The following INF2 variants were observed in gnomAD, a reference collection of about 807,000 sequenced individuals.
The protein encoded by INF2 is inverted formin 2, also known as inverted formin-2.
INF2 carries 43 observed loss-of-function variants against 123.5 expected under a neutral mutation model. That is an observed-to-expected ratio of 0.35 (90% CI 0.27 to 0.45). The LOEUF (loss-of-function observed/expected upper bound fraction) is 0.45, where lower values mean the gene tolerates loss of function less well. Among genes scored for constraint, INF2 ranks in the 20% least tolerant of loss-of-function variants. The probability of loss-of-function intolerance (pLI) is 1.00; values close to 1 mark genes in which losing one functional copy is unlikely to be tolerated. For synonymous variants in INF2, 851 were observed against 745.0 expected, an observed-to-expected ratio of 1.14 and a Z score of -2.32; for missense variants, 1,453 against 1,682.7, an observed-to-expected ratio of 0.86 and a Z score of 2.39.
Position 104,707,767 on chromosome 14 carries a change from G to GC in INF2, c.1505dup (p.Pro503ThrfsTer77). 1.6e-6 allele frequency: 1 copy of GC among 615,068 alleles called. No homozygotes were observed. The highest frequency in any genetic ancestry group is 3.4e-5 in the Admixed American group (1 of 29,726). The allele number at this position is 615,068 out of a possible 1,614,324, so 38.1% of individuals were successfully genotyped here. On this transcript the variant is annotated frameshift_variant, in exon 8 of 23. Transcript: ENST00000392634. LOFTEE classifies it high-confidence loss of function. Reference sequence around the variant, plus strand: ...CACCACTCCCGGGCTTGGGATGCCCGCCCCCACCCCCACCCCTGCTGCCTG... The same window carrying GC: ...CACCACTCCCGGGCTTGGGATGCCCGCCCCCCACCCCCACCCCTGCTGCCTG...
At chr14:104,702,466 C>G (rs1177268852) in intron 2 of INF2, among the ~76,000 whole-genome samples, 2 of 147,848 alleles carry the variant, frequency 1.4e-5, no homozygotes, top group African/African-American at 2.7e-5. Context: ...TTGAGAGAAA[C>G]CCTTGCTGTG....
chr14:104,701,738 G>A lies in INF2; in HGVS notation c.373G>A (p.Val125Met), dbSNP rs762621935. 3.3e-6 allele frequency: 5 copies of A among 1,520,718 alleles called. No individual in the cohort carries two copies. The highest frequency in any genetic ancestry group is 1.3e-5 in the South Asian group (1 of 79,442). 94.2% of individuals were successfully genotyped at this position (1,520,718 alleles called of 1,614,324 possible). Reference protein sequence around the residue: ...IEYILSNQGYVRQLSQALDTS... With the variant: ...IEYILSNQGYMRQLSQALDTS... Reference sequence around the variant, plus strand: ...GTACATCCTCAGCAACCAGGGCTACGTGCGCCAGCTCTCCCAGGGTGAGCC... The same window carrying A: ...GTACATCCTCAGCAACCAGGGCTACATGCGCCAGCTCTCCCAGGGTGAGCC... The change falls in exon 2 of 23, where the codon GTG (valine) becomes ATG (methionine). Residue 125 changes from valine to methionine, a missense_variant. Coordinates refer to ENST00000392634, the MANE Select transcript of INF2 (RefSeq NM_022489.4).
intron 1 of INF2, among the ~76,000 whole-genome samples, chr14:104,700,323 T>C (rs1224586254): frequency 6.6e-6 from 1 of 152,072 alleles, no homozygotes; most frequent in East Asian, 1.9e-4. Flanking sequence ...AGTGCCTGCC[T>C]TGGAGGTGGT....
Position 104,708,746 on chromosome 14 carries a change from G to A in INF2, c.1949+14G>A, listed in dbSNP as rs1255779009. On this transcript the variant is annotated intron_variant, in intron 10 of 22. Transcript: ENST00000392634. ...GCAATTTAAGTGGTGAGTGAGGGAGGTAGCCCCCATCCCAGGCCACGGAGC... is the reference window on the plus strand; with the variant it reads ...GCAATTTAAGTGGTGAGTGAGGGAGATAGCCCCCATCCCAGGCCACGGAGC... The A allele has an allele frequency of 6.2e-7, 1 of 1,612,576 alleles. No individual in the cohort carries two copies. Among genetic ancestry groups the A allele is most frequent in the Non-Finnish European group, 8.5e-7 (1 of 1,179,618 alleles).
upstream of INF2, among the ~76,000 whole-genome samples, chr14:104,685,819 G>A (rs991584418): frequency 6.1e-5 from 9 of 148,184 alleles, no homozygotes; most frequent in South Asian, 4.4e-4. Context: ...ATGAGTGGAT[G>A]ATGGGTGGGT....
intron 1 of INF2, among the ~76,000 whole-genome samples, chr14:104,701,114 C>T (rs536883165): frequency 4.9e-4 from 75 of 152,270 alleles, no homozygotes; most frequent in Non-Finnish European, 6.6e-4. Context: ...TCGGGGTCCT[C>T]ATGCGCGCAG....
rs1293490569 is a variant in INF2, at chr14:104,714,250, C to A, written c.3088C>A (p.Pro1030Thr). The A allele has an allele frequency of 6.3e-7, 1 of 1,586,566 alleles. No homozygotes were observed. Residue 1030 changes from proline (P) to threonine (T), a missense_variant, in exon 21 of 23, where the codon CCC (proline) becomes ACC (threonine). By Grantham distance (38) the Pro-to-Thr change is conservative (BLOSUM62 -1). Transcript: ENST00000392634. ...AGDPVGSTRCPASEPGLDATT... is the reference protein window; with the variant it reads ...AGDPVGSTRCTASEPGLDATT... ...AGATCCCGTGGGCAGCACGCGCTGT[C>A]CCGCCTCTGAGCCCGGCCTTGATGC...
chr14:104,694,200 C>G (rs763342381), intron 1 of INF2, among the ~76,000 whole-genome samples: 18 of 152,218 alleles, frequency 1.2e-4, no homozygotes, highest in Admixed American at 3.3e-4. Context: ...GCACAGCCAA[C>G]CCAGGTCAGA....
chr14:104,704,001 C>G, intron 5 of INF2, 52 bp downstream of exon 5: 1 of 1,604,478 alleles, frequency 6.2e-7, no homozygotes, highest in Non-Finnish European at 8.5e-7. Flanking sequence ...CTCCCAAGGC[C>G]AGGCCCACCT....
In INF2 at chr14:104,709,651, G is replaced by A. The variant is rs372333024; in HGVS notation, c.2084G>A (p.Arg695Gln). The stretch of plus-strand genomic sequence containing the variant: ...AACCTGCGGGCATTCACAGAGGAGC[G>A]AGCCAAGCTGGCCAGCGCCGACCAC... ...IENLRAFTEE[R>Q]AKLASADHFY... Residue 695 changes from arginine (R) to glutamine (Q), a missense_variant, in exon 12 of 23, where the codon CGA (arginine) becomes CAA (glutamine). Physicochemically the swap from Arg to Gln is conservative, Grantham distance 43 (BLOSUM62 1). This residue lies in a region of INF2 where 192 missense variants were observed against 274.4 expected (regional missense o/e 0.70). Transcript: ENST00000392634. The A allele has an allele frequency of 1.9e-5, 31 of 1,612,610 alleles. No individual in the cohort carries two copies. In the Middle Eastern group the frequency reaches 4.9e-4, roughly 26 times the overall value.
rs747825472 is a variant in INF2 at position 104,714,389 on chromosome 14, C to T, written c.3227C>T (p.Ser1076Phe). ...GGTCCACGGCCCCTGGAGAGGCGTT[C>T]TTCCTGGTATGTGGATGCCAGCGAT... is the stretch of plus-strand genomic sequence containing the variant. The part of the protein sequence containing the change: ...EGGPRPLERR[S>F]SWYVDASDVL... Residue 1076 changes from serine to phenylalanine, a missense_variant, in exon 21 of 23, where the codon TCT (serine) becomes TTT (phenylalanine). Physicochemically the swap from Ser to Phe is radical, Grantham distance 155. Around this residue, in one of 8 missense-constraint regions of INF2, gnomAD observed 344 missense variants for 333.1 expected, o/e 1.03. Coordinates refer to ENST00000392634, the MANE Select transcript of INF2 (RefSeq NM_022489.4). 1.2e-6 allele frequency: 2 copies of T among 1,602,554 alleles called. No homozygotes were observed. The highest frequency in any genetic ancestry group is 2.3e-5 in the East Asian group (1 of 44,308).
intron 8 of INF2, 97 bp from the exon 9 acceptor site, chr14:104,708,339 C>A: frequency 6.8e-7 from 1 of 1,471,598 alleles, no homozygotes; most frequent in Non-Finnish European, 9.3e-7. Context: ...CCAGGCAGGA[C>A]ATCCTTTAGA....
chr14:104,709,756 G>A, intron 12 of INF2, 51 bp downstream of exon 12: 1 of 1,519,304 alleles, frequency 6.6e-7, no homozygotes, highest in South Asian at 1.1e-5. Context: ...GGTGGGAGGA[G>A]AGCAGGAATA....
chr14:104,702,128 G>A lies in INF2; in HGVS notation c.391+372G>A, dbSNP rs538471535. On this transcript the variant is annotated intron_variant, in intron 2 of 22. Coordinates refer to ENST00000392634, the MANE Select transcript of INF2 (RefSeq NM_022489.4). Reference sequence around the variant, plus strand: ...CTGAGTCAGAGATGCGAATCCACCCGAGTGGCTCCCTACATACACCTGCCT... The same window carrying A: ...CTGAGTCAGAGATGCGAATCCACCCAAGTGGCTCCCTACATACACCTGCCT... 2.4e-3 allele frequency among the ~76,000 whole-genome samples: 367 copies of A among 152,164 alleles called. 2 individuals are homozygous for A. Among genetic ancestry groups the A allele is most frequent in the Non-Finnish European group, 3.6e-3 (246 of 67,996 alleles).
In INF2 at chr14:104,714,299, G is replaced by C; in HGVS notation, c.3137G>C (p.Gly1046Ala). 6.3e-7 allele frequency: 1 copy of C among 1,592,184 alleles called. No homozygotes were observed. Among genetic ancestry groups the C allele is most frequent in the African/African-American group, 1.3e-5 (1 of 74,436 alleles). The change falls in exon 21 of 23, where the codon GGC (glycine) becomes GCC (alanine). Residue 1046 changes from glycine to alanine, a missense_variant. By Grantham distance (60) the Gly-to-Ala change is moderately conservative. Around this residue, in one of 8 missense-constraint regions of INF2, gnomAD observed 344 missense variants for 333.1 expected, o/e 1.03. Coordinates refer to ENST00000392634, the MANE Select transcript of INF2 (RefSeq NM_022489.4). ...GCTACAACAGCCAGCGAGTCCCGGG[G>C]CTGGGACCTTGTAGACGCCGTGACC... is the stretch of plus-strand genomic sequence containing the variant. ...LDATTASESR[G>A]WDLVDAVTPG...
At chr14:104,709,225 T>C in intron 10 of INF2, 56 bp from the exon 11 acceptor site, 1 of 1,384,742 alleles carries the variant, frequency 7.2e-7, no homozygotes, top group Non-Finnish European at 1.0e-6. Context: ...CCAAAGAGGC[T>C]GGGTGGGGGT....
rs1260846547 is a variant in INF2 at position 104,701,687 on chromosome 14, G to A, written c.322G>A (p.Val108Ile). ...QLTCVSCVRA[V>I]MNSRQGIEYI... is the part of the protein sequence containing the mutation. ...CACCTGCGTCAGCTGCGTGCGCGCC[G>A]TCATGAACTCGCGGCAGGGCATCGA... Residue 108 changes from valine to isoleucine, a missense_variant, in exon 2 of 23, where the codon GTC becomes ATC. By Grantham distance (29) the Val-to-Ile change is conservative. This residue lies in a region of INF2 where 251 missense variants were observed against 349.4 expected (regional missense o/e 0.72). Coordinates refer to ENST00000392634, the MANE Select transcript of INF2 (RefSeq NM_022489.4). 1.3e-6 allele frequency: 2 copies of A among 1,571,772 alleles called. No individual in the cohort carries two copies. Among genetic ancestry groups the A allele is most frequent in the Non-Finnish European group, 1.7e-6 (2 of 1,159,306 alleles).
chr14:104,700,945 G>A, intron 1 of INF2: 1 of 802,094 alleles, frequency 1.2e-6, no homozygotes, highest in Non-Finnish European at 1.5e-6. Context: ...CAGATGCGCC[G>A]TTTTGTCGCA....
chr14:104,717,228 C>T (rs142916013), intron 22 of INF2, among the ~76,000 whole-genome samples: 9 of 146,432 alleles, frequency 6.1e-5, no homozygotes, highest in Admixed American at 2.0e-4. Context: ...CAGTCCCCCC[C>T]GGGCAGGGTG....
Sources: allele counts gnomAD v4.1 joint callset (sites outside exome capture counted in the v4.1 genomes callset), GRCh38; gene constraint gnomAD v4.1.1; regional missense constraint gnomAD v4.1.1; transcripts MANE v1.5; gene names NCBI Gene and HGNC (gene_info 2026-07-23, HGNC 2026-07-21).